The following KALRN variants were observed in gnomAD, a reference collection of about 807,000 sequenced individuals.
KALRN encodes kalirin RhoGEF kinase.
Under a neutral mutation model 353.7 loss-of-function variants are expected in KALRN, and 70 were observed. The observed-to-expected ratio is 0.20, with a 90% CI of 0.16 to 0.24. The LOEUF is 0.24. Ranked by LOEUF, KALRN falls within the 10% of genes least tolerant of loss-of-function variation. The probability of loss-of-function intolerance (pLI) is 1.00; values close to 1 mark genes in which losing one functional copy is unlikely to be tolerated. For missense variants in KALRN, 2,791 were observed against 3,756.7 expected, an observed-to-expected ratio of 0.74 and a Z score of 6.72; for synonymous variants, 1,391 against 1,434.8, an observed-to-expected ratio of 0.97 and a Z score of 0.69.
intron 47 of KALRN, among the ~76,000 whole-genome samples, chr3:124,671,132 G>A (rs776630041): frequency 1.3e-5 from 2 of 152,068 alleles, no homozygotes; most frequent in Non-Finnish European, 1.5e-5. Flanking sequence ...CTCAAATGTC[G>A]CTCTCTGATG....
At position 124,681,238 on chromosome 3, in the gene KALRN, C is replaced by T. The variant is rs189182864; in HGVS notation, c.7377+1721C>T. Among the ~76,000 whole-genome samples the T allele has an allele frequency of 1.9e-3, 282 of 152,246 alleles. 1 individual carries two copies. Among genetic ancestry groups the T allele is most frequent in the African/African-American group, 6.2e-3 (258 of 41,520 alleles). On this transcript the variant is annotated intron_variant, in intron 51 of 59. Coordinates refer to ENST00000682506, the MANE Select transcript of KALRN (RefSeq NM_001388419.1). ...AAATTAACTGGGGTCATCGAATGCC[C>T]CATTCTACACTTAGATAAAAAACAT...
intron 3 of KALRN, among the ~76,000 whole-genome samples, chr3:124,238,256 G>A (rs1031157): frequency 0.092 from 13,946 of 152,020 alleles, 1,550 homozygotes; most frequent in East Asian, 0.48. Context: ...AACAAAAAAC[G>A]CAATTCCTGA....
At chr3:124,434,606 C>T in intron 17 of KALRN, 81 bp downstream of exon 17, 1 of 1,251,236 alleles carries the variant, frequency 8.0e-7, no homozygotes, top group South Asian at 1.3e-5. Flanking sequence ...ATGTGCAGTG[C>T]TTATGTCAGC....
intron 33 of KALRN, among the ~76,000 whole-genome samples, chr3:124,514,737 G>A (rs890196149): frequency 2.0e-5 from 3 of 152,098 alleles, no homozygotes; most frequent in Admixed American, 6.5e-5. Flanking sequence ...GTCCACTAAA[G>A]AAAACAATTG....
intron 34 of KALRN, among the ~76,000 whole-genome samples, chr3:124,623,755 G>T (rs987407031): frequency 4.6e-5 from 7 of 152,094 alleles, no homozygotes; most frequent in African/African-American, 1.7e-4. Context: ...TCAATACTTT[G>T]CATCCTTCAA....
chr3:124,510,300 CCAAATGGAT>C (rs772601065), intron 33 of KALRN, among the ~76,000 whole-genome samples: 5 of 152,044 alleles, frequency 3.3e-5, no homozygotes, highest in Non-Finnish European at 7.4e-5. Flanking sequence ...GAAGATCATT[CCAAATGGAT>C]CAAACAGCAA....
At chr3:124,438,525 CA>C (rs1172708934) in intron 17 of KALRN, among the ~76,000 whole-genome samples, 1 of 152,036 alleles carries the variant, frequency 6.6e-6, no homozygotes, top group African/African-American at 2.4e-5. Flanking sequence ...GTATCTTCTC[CA>C]AACCTCATTT....
intron 45 of KALRN, among the ~76,000 whole-genome samples, chr3:124,662,134 A>G (rs944591335): frequency 1.3e-5 from 2 of 151,534 alleles, no homozygotes; most frequent in Middle Eastern, 3.2e-3. Context: ...ATAAGAAGTT[A>G]CAGAGCATTT....
chr3:124,058,098 C>A (rs1038859619), intron 1 of KALRN, among the ~76,000 whole-genome samples: 2 of 152,262 alleles, frequency 1.3e-5, no homozygotes, highest in African/African-American at 4.8e-5. Context: ...GAGACTCATT[C>A]GCTATTATGA....
At chr3:124,236,632 A>G (rs1011263253) in intron 3 of KALRN, among the ~76,000 whole-genome samples, 1 of 152,196 alleles carries the variant, frequency 6.6e-6, no homozygotes, top group Non-Finnish European at 1.5e-5. Context: ...TTTCTTTAGA[A>G]TAAAGAGGGA....
chr3:124,195,779 G>T (rs1384839581), intron 1 of KALRN, among the ~76,000 whole-genome samples: 1 of 152,182 alleles, frequency 6.6e-6, no homozygotes, highest in African/African-American at 2.4e-5. Context: ...TGCACAAAAG[G>T]ACAGCTGCTG....
At chr3:124,188,087 T>G (rs1004637926) in intron 1 of KALRN, among the ~76,000 whole-genome samples, 1 of 152,192 alleles carries the variant, frequency 6.6e-6, no homozygotes, top group Non-Finnish European at 1.5e-5. Flanking sequence ...ATTGAGACTC[T>G]TCAGGCTGCA....
chr3:124,551,484 C>A (rs1182349035), intron 33 of KALRN, among the ~76,000 whole-genome samples: 1 of 152,146 alleles, frequency 6.6e-6, no homozygotes, highest in African/African-American at 2.4e-5. Flanking sequence ...TGGAGATGGG[C>A]TCATGTTGGT....
chr3:124,195,506 G>A (rs1052438127), intron 1 of KALRN, among the ~76,000 whole-genome samples: 3 of 152,158 alleles, frequency 2.0e-5, no homozygotes, highest in Non-Finnish European at 2.9e-5. Context: ...TGTGCTGTCA[G>A]GGTGAGAGGA....
At chr3:124,577,186 C>T (rs2074197956) in intron 34 of KALRN, among the ~76,000 whole-genome samples, 1 of 148,778 alleles carries the variant, frequency 6.7e-6, no homozygotes, top group Non-Finnish European at 1.5e-5. Flanking sequence ...CTGGTTCAGA[C>T]AAGACAGTGA....
intron 33 of KALRN, among the ~76,000 whole-genome samples, chr3:124,525,762 C>G (rs2067535414): frequency 6.6e-6 from 1 of 152,174 alleles, no homozygotes; most frequent in Non-Finnish European, 1.5e-5. Context: ...GGATGCTGAC[C>G]TACTGCTTTA....
At chr3:124,637,161 T>G (rs761623790) in intron 36 of KALRN, 47 bp from the exon 37 acceptor site, 1 of 1,431,136 alleles carries the variant, frequency 7.0e-7, no homozygotes, top group Non-Finnish European at 9.9e-7. Flanking sequence ...TCACTGTTCC[T>G]TATTCTTTGC....
chr3:124,235,975 C>T (rs2079704000), intron 3 of KALRN, among the ~76,000 whole-genome samples: 1 of 152,124 alleles, frequency 6.6e-6, no homozygotes, highest in South Asian at 2.1e-4. Flanking sequence ...TACTGCATTT[C>T]AGAGAGCTAA....
intron 1 of KALRN, among the ~76,000 whole-genome samples, chr3:124,125,426 A>AAGGG (rs1418754466): frequency 6.6e-6 from 1 of 152,188 alleles, no homozygotes; most frequent in Admixed American, 6.5e-5. Flanking sequence ...GGAGAGTTTG[A>AAGGG]AGGGAAGGAG....
Sources: allele counts gnomAD v4.1 joint callset (sites outside exome capture counted in the v4.1 genomes callset), GRCh38; gene constraint gnomAD v4.1.1; transcripts MANE v1.5; gene names NCBI Gene and HGNC (gene_info 2026-07-23, HGNC 2026-07-21).